The following AKAP19 variants were observed in gnomAD, a reference collection of about 807,000 sequenced individuals.
AKAP19 encodes the protein A-kinase anchoring protein 19.
At chr2:190,177,524 G>A in the AKAP19 span, among the ~76,000 whole-genome samples, 1 of 152,332 alleles carries the variant, frequency 6.6e-6, no homozygotes, top group South Asian at 2.1e-4. The surrounding 1 kb of genome is among the most constrained non-coding windows in gnomAD (Gnocchi z 4.6). Context: ...TCACTGCTTA[G>A]AGTACTTTTA....
At chr2:190,107,432 T>C in the AKAP19 span, among the ~76,000 whole-genome samples, 1 of 152,086 alleles carries the variant, frequency 6.6e-6, no homozygotes, top group African/African-American at 2.4e-5. Context: ...TTTTTTTTTC[T>C]GTCTTCTTAC....
the AKAP19 span, among the ~76,000 whole-genome samples, chr2:190,036,612 T>A: frequency 6.6e-6 from 1 of 151,870 alleles, no homozygotes; most frequent in Admixed American, 6.6e-5. Context: ...TTTTTTTCAT[T>A]AGAATTTTGA....
the AKAP19 span, chr2:190,181,511 G>C: frequency 6.6e-6 from 1 of 152,286 alleles, no homozygotes; most frequent in South Asian, 2.1e-4. Context: ...GTGCTCTTTG[G>C]AGCTGTGGGA....
the AKAP19 span, chr2:190,202,565 A>AT: frequency 6.0e-6 from 1 of 167,082 alleles, no homozygotes; most frequent in African/African-American, 2.4e-5. Context: ...GCCTTCTTTC[A>AT]TATCTTTATA....
the AKAP19 span, among the ~76,000 whole-genome samples, chr2:190,083,395 C>G: frequency 7.2e-6 from 1 of 138,420 alleles, no homozygotes; most frequent in African/African-American, 2.7e-5. Context: ...AATCTACTCT[C>G]TTGTCAACCT....
At chr2:190,151,574 T>G in the AKAP19 span, among the ~76,000 whole-genome samples, 1 of 152,248 alleles carries the variant, frequency 6.6e-6, no homozygotes, top group Non-Finnish European at 1.5e-5. Flanking sequence ...TATTCCATGG[T>G]GTATATGTAC....
At chr2:190,185,330 T>G in the AKAP19 span, among the ~76,000 whole-genome samples, 3 of 152,196 alleles carry the variant, frequency 2.0e-5, no homozygotes, top group African/African-American at 7.2e-5. Context: ...AGTAATGGCA[T>G]AAATAGAACA....
the AKAP19 span, chr2:190,056,474 C>T: frequency 2.6e-5 from 4 of 152,382 alleles, no homozygotes; most frequent in Non-Finnish European, 5.9e-5. Flanking sequence ...AAAACAAACA[C>T]CATTTGACTG....
chr2:190,138,053 C>A, the AKAP19 span, among the ~76,000 whole-genome samples: 1 of 152,192 alleles, frequency 6.6e-6, no homozygotes, highest in Non-Finnish European at 1.5e-5. Context: ...TAAACTCTGG[C>A]ACATTCTTAA....
the AKAP19 span, among the ~76,000 whole-genome samples, chr2:189,967,010 A>G: frequency 6.6e-6 from 1 of 152,222 alleles, no homozygotes; most frequent in Non-Finnish European, 1.5e-5. Flanking sequence ...TCTGCATAGT[A>G]ATAGAAGTAC....
At chr2:189,956,404 C>T in the AKAP19 span, among the ~76,000 whole-genome samples, 2 of 151,504 alleles carry the variant, frequency 1.3e-5, no homozygotes, top group African/African-American at 2.4e-5. Context: ...CTCCTGACCT[C>T]GTGATCCGCC....
chr2:190,126,289 C>CAA, the AKAP19 span, among the ~76,000 whole-genome samples: 129 of 31,310 alleles, frequency 4.1e-3, 23 homozygotes, highest in African/African-American at 0.01. Context: ...GATTCCATCT[C>CAA]AAAAAAAAAA....
At chr2:190,019,764 G>T in the AKAP19 span, among the ~76,000 whole-genome samples, 30,921 of 151,976 alleles carry the variant, frequency 0.2, 3,386 homozygotes, top group African/African-American at 0.29. Context: ...GTGGGCCCAG[G>T]ATTATCCTCT....
chr2:189,976,780 T>C, the AKAP19 span, among the ~76,000 whole-genome samples: 42 of 152,306 alleles, frequency 2.8e-4, no homozygotes, highest in Middle Eastern at 3.4e-3. Context: ...CTGAGCCAGG[T>C]GCGGAATATA....
At chr2:190,015,739 C>T in the AKAP19 span, among the ~76,000 whole-genome samples, 1 of 152,142 alleles carries the variant, frequency 6.6e-6, no homozygotes, top group Non-Finnish European at 1.5e-5. Context: ...AGTTTCAAAC[C>T]ATCTCTTTGT....
At chr2:190,139,002 GCCTTTGTGGAT>G in the AKAP19 span, among the ~76,000 whole-genome samples, 1 of 136,322 alleles carries the variant, frequency 7.3e-6, no homozygotes, top group Non-Finnish European at 1.6e-5. Context: ...CTTTTCACAA[GCCTTTGTGGAT>G]TACTATGTGC....
the AKAP19 span, among the ~76,000 whole-genome samples, chr2:190,081,012 T>G: frequency 6.6e-6 from 1 of 152,146 alleles, no homozygotes; most frequent in Admixed American, 6.6e-5. Context: ...ACAACACAGA[T>G]GTAAAGGAAA....
the AKAP19 span, among the ~76,000 whole-genome samples, chr2:189,912,790 A>T: frequency 1.3e-5 from 2 of 152,160 alleles, no homozygotes; most frequent in African/African-American, 4.8e-5. Context: ...TTGCAGTAAA[A>T]TTAGTGTTTT....
At chr2:190,059,887 C>T in the AKAP19 span, among the ~76,000 whole-genome samples, 2 of 151,934 alleles carry the variant, frequency 1.3e-5, no homozygotes, top group African/African-American at 4.8e-5. Context: ...GGGAGTGTTT[C>T]ATAGGATATG....
Sources: allele counts gnomAD v4.1 joint callset (sites outside exome capture counted in the v4.1 genomes callset), GRCh38; gene constraint gnomAD v4.1.1; non-coding constraint Gnocchi (gnomAD v3.1); transcripts MANE v1.5; gene names NCBI Gene and HGNC (gene_info 2026-07-23, HGNC 2026-07-21).